The following SCGB2B2 variants were observed in gnomAD, a reference collection of about 807,000 sequenced individuals.
The protein encoded by SCGB2B2 is secretoglobin-like protein.
A neutral mutation model predicts 7.6 loss-of-function variants in SCGB2B2; 11 were observed. That is an observed-to-expected ratio of 1.45 (90% CI 0.91 to 2.40). The LOEUF (loss-of-function observed/expected upper bound fraction) is 2.40. SCGB2B2 is among the 30% of genes most tolerant of loss of function. The pLI is 0.00. For synonymous variants in SCGB2B2, 50 were observed against 48.6 expected (o/e 1.03, Z -0.12); for missense variants, 104 against 115.4 (o/e 0.90, Z 0.45).
intron 1 of SCGB2B2, among the ~76,000 whole-genome samples, chr19:34,650,154 A>C (rs2067127246): frequency 6.6e-6 from 1 of 151,328 alleles, no homozygotes; most frequent in African/African-American, 2.5e-5. Flanking sequence ...CAAGAGGTGG[A>C]GCGTCTGACC....
At chr19:34,612,119 T>C (rs113742677) in intron 1 of SCGB2B2, among the ~76,000 whole-genome samples, 7,222 of 137,748 alleles carry the variant, frequency 0.052, 291 homozygotes, top group South Asian at 0.2. Flanking sequence ...CTCACTGCAA[T>C]ATCCGCCTCC....
At chr19:34,631,386 ATTC>A (rs1250028572) in intron 1 of SCGB2B2, among the ~76,000 whole-genome samples, 1 of 150,020 alleles carries the variant, frequency 6.7e-6, no homozygotes, top group African/African-American at 2.5e-5. Flanking sequence ...GCCCAAGACT[ATTC>A]TTCTTCCACT....
intron 1 of SCGB2B2, among the ~76,000 whole-genome samples, chr19:34,624,253 A>G (rs1228975575): frequency 6.6e-6 from 1 of 152,192 alleles, no homozygotes; most frequent in Admixed American, 6.5e-5. Flanking sequence ...CTGAGCTTTT[A>G]TGTGGAGGAA....
chr19:34,589,890 C>T (rs948697169), downstream of SCGB2B2, among the ~76,000 whole-genome samples: 1 of 152,034 alleles, frequency 6.6e-6, no homozygotes, highest in Non-Finnish European at 1.5e-5. Flanking sequence ...CCATGGAGTG[C>T]AGGGAAGGTC....
chr19:34,628,226 C>A (rs1408502577), intron 1 of SCGB2B2, among the ~76,000 whole-genome samples: 1 of 151,982 alleles, frequency 6.6e-6, no homozygotes, highest in Non-Finnish European at 1.5e-5. Context: ...GAAGCAAGAG[C>A]AAACACATTC....
At chr19:34,664,699 C>T (rs1364347941) in intron 1 of SCGB2B2, among the ~76,000 whole-genome samples, 3 of 152,128 alleles carry the variant, frequency 2.0e-5, no homozygotes, top group Non-Finnish European at 2.9e-5. Context: ...TCTAGGGCCC[C>T]GGCCACTGAG....
At chr19:34,670,888 T>C (rs1000839711) in intron 1 of SCGB2B2, among the ~76,000 whole-genome samples, 24 of 152,226 alleles carry the variant, frequency 1.6e-4, no homozygotes, top group African/African-American at 5.8e-4. Flanking sequence ...TTCTTGAATA[T>C]TGTATACCGT....
intron 1 of SCGB2B2, among the ~76,000 whole-genome samples, chr19:34,632,438 C>T (rs890465179): frequency 3.3e-5 from 5 of 152,086 alleles, no homozygotes; most frequent in African/African-American, 1.2e-4. Flanking sequence ...TTTAAATGGG[C>T]AAAAGATTTG....
At position 34,601,622 on chromosome 19, in the gene SCGB2B2, C is replaced by T. The variant is rs564159201; in HGVS notation, c.-2031-5028G>A. Among the ~76,000 whole-genome samples, 320 of 152,232 alleles carry T rather than the reference C, an allele frequency of 2.1e-3. 2 individuals are homozygous for T. Among genetic ancestry groups the T allele is most frequent in the African/African-American group, 7.4e-3 (308 of 41,538 alleles). On this transcript the variant is annotated intron_variant, in intron 1 of 3. Coordinates refer to ENST00000601241, the MANE Select transcript of SCGB2B2 (RefSeq NM_001025591.4). Reference sequence around the variant, plus strand: ...AGATGTTATCTTCTCTTAAAGTGTACATTTATACATGTAAGTGCTGTTGTA... The same window carrying T: ...AGATGTTATCTTCTCTTAAAGTGTATATTTATACATGTAAGTGCTGTTGTA...
intron 1 of SCGB2B2, among the ~76,000 whole-genome samples, chr19:34,608,324 T>TAGACTTGCG (rs2065835481): frequency 6.6e-6 from 1 of 151,982 alleles, no homozygotes; most frequent in Admixed American, 6.6e-5. Context: ...GCAACATTAC[T>TAGACTTGCG]AGACTTATCA....
intron 1 of SCGB2B2, among the ~76,000 whole-genome samples, chr19:34,613,504 T>C (rs1469185430): frequency 6.6e-6 from 1 of 152,236 alleles, no homozygotes; most frequent in Non-Finnish European, 1.5e-5. Flanking sequence ...AGACAGTTTC[T>C]ATCTTTTAAG....
At chr19:34,666,790 C>T (rs1013496781) in intron 1 of SCGB2B2, among the ~76,000 whole-genome samples, 2 of 152,162 alleles carry the variant, frequency 1.3e-5, no homozygotes, top group African/African-American at 4.8e-5. Flanking sequence ...TGCTGTTGCT[C>T]GTGGGTAGGC....
At chr19:34,607,136 T>A (rs898403381) in intron 1 of SCGB2B2, among the ~76,000 whole-genome samples, 2 of 152,258 alleles carry the variant, frequency 1.3e-5, no homozygotes, top group African/African-American at 2.4e-5. Context: ...AGTGAGGTCA[T>A]GCAGGATTTG....
chr19:34,586,122 T>C (rs548908245), downstream of SCGB2B2, among the ~76,000 whole-genome samples: 1 of 152,310 alleles, frequency 6.6e-6, no homozygotes, highest in South Asian at 2.1e-4. Context: ...CAGTTGAGTT[T>C]TGGGGAAGGG....
intron 1 of SCGB2B2, chr19:34,646,720 G>A (rs78228921): frequency 0.03 from 4,648 of 153,732 alleles, 97 homozygotes; most frequent in Non-Finnish European, 0.046. Flanking sequence ...CAACCCACCT[G>A]GCCCTCCCTT....
At chr19:34,665,846 C>T (rs925268942) in intron 1 of SCGB2B2, among the ~76,000 whole-genome samples, 2 of 152,024 alleles carry the variant, frequency 1.3e-5, no homozygotes, top group African/African-American at 2.4e-5. Flanking sequence ...CCCTCTTGGC[C>T]CTCAGAGGAC....
At chr19:34,618,901 C>G (rs149281587) in intron 1 of SCGB2B2, among the ~76,000 whole-genome samples, 1 of 152,210 alleles carries the variant, frequency 6.6e-6, no homozygotes, top group Non-Finnish European at 1.5e-5. Flanking sequence ...TAAGCCTTAC[C>G]TAAAATCTAA....
chr19:34,658,821 A>C lies in SCGB2B2; in HGVS notation c.-2032+16809T>G, dbSNP rs1296542164. Among the ~76,000 whole-genome samples the C allele has an allele frequency of 5.2e-3, 661 of 127,534 alleles. 2 individuals carry two copies. The highest frequency in any genetic ancestry group is 9.0e-3 in the Non-Finnish European group (487 of 54,106). 83.7% of individuals were successfully genotyped at this position (127,534 alleles called of 152,430 possible). On this transcript the variant is annotated intron_variant, in intron 1 of 3. Coordinates refer to ENST00000601241, the MANE Select transcript of SCGB2B2 (RefSeq NM_001025591.4). ...AACAACAACAACAACAACAAAAAAA[A>C]AAAAAAAAAAAAAAGAGAGAGAATT...
intron 1 of SCGB2B2, among the ~76,000 whole-genome samples, chr19:34,628,013 G>C (rs1033103920): frequency 1.3e-5 from 2 of 152,172 alleles, no homozygotes; most frequent in Non-Finnish European, 1.5e-5. Flanking sequence ...ACTTCCTCCT[G>C]AATGACTACT....
Sources: gnomAD v4.1 joint callset for allele counts (sites outside exome capture counted in the v4.1 genomes callset) on GRCh38, gnomAD v4.1.1 for gene constraint, MANE v1.5 for transcripts, NCBI Gene and HGNC (gene_info 2026-07-23, HGNC 2026-07-21) for gene names.